SLC39A10: variants seen among roughly 807,000 people sequenced by gnomAD.
SLC39A10 encodes solute carrier family 39 member 10.
Under a neutral mutation model 65.1 loss-of-function variants are expected in SLC39A10, and 13 were observed. The ratio of observed to expected loss-of-function variants is 0.20; its 90% CI spans 0.13 to 0.32. SLC39A10 has a LOEUF of 0.32. Ranked by LOEUF, SLC39A10 falls within the 10% of genes least tolerant of loss-of-function variation. The probability of loss-of-function intolerance (pLI) is 1.00; values close to 1 mark genes in which losing one functional copy is unlikely to be tolerated. For synonymous variants in SLC39A10, 321 were observed against 342.2 expected (o/e 0.94, Z 0.68); for missense variants, 831 against 1,018.4 (o/e 0.82, Z 2.50).
upstream of SLC39A10, among the ~76,000 whole-genome samples, chr2:195,653,346 T>C (rs548378418): frequency 6.7e-6 from 1 of 149,608 alleles, no homozygotes; most frequent in Non-Finnish European, 1.5e-5. Flanking sequence ...CAGGCTGGAG[T>C]GCAATGGCAC....
At chr2:195,725,981 A>AG (rs2105841637) in intron 8 of SLC39A10, among the ~76,000 whole-genome samples, 1 of 152,314 alleles carries the variant, frequency 6.6e-6, no homozygotes, top group Non-Finnish European at 1.5e-5. Context: ...GTAATGAAAA[A>AG]GTTCTAGAGT....
chr2:195,624,467 A>G (rs966227447), intron 2 of SLC39A10, among the ~76,000 whole-genome samples: 4 of 151,892 alleles, frequency 2.6e-5, no homozygotes, highest in Non-Finnish European at 4.4e-5. Context: ...AAATAACTTA[A>G]AAAAAGAAGA....
chr2:195,657,074 T>G (rs1201273844), upstream of SLC39A10: 2 of 152,342 alleles, frequency 1.3e-5, no homozygotes, highest in Non-Finnish European at 2.9e-5. Context: ...GTGGCGCGTG[T>G]ACGCCCATAG....
intron 8 of SLC39A10, among the ~76,000 whole-genome samples, chr2:195,721,242 G>T (rs1366524383): frequency 6.6e-6 from 1 of 152,110 alleles, no homozygotes; most frequent in Non-Finnish European, 1.5e-5. Context: ...GCCCAGCTAT[G>T]AGTCACACTT....
chr2:195,718,633 A>G (rs79317295), intron 8 of SLC39A10, among the ~76,000 whole-genome samples: 13,138 of 152,264 alleles, frequency 0.086, 752 homozygotes, highest in East Asian at 0.22. Flanking sequence ...AATATTTCTT[A>G]AATGCCACAT....
intron 5 of SLC39A10, 29 bp from the exon 6 acceptor site, chr2:195,713,404 A>G (rs1459045212): frequency 6.7e-7 from 1 of 1,497,912 alleles, no homozygotes; most frequent in Non-Finnish European, 9.0e-7. Flanking sequence ...TTATACTAAT[A>G]TCAGATACTA....
At chr2:195,644,867 C>T (rs997244398) in intron 2 of SLC39A10, among the ~76,000 whole-genome samples, 2 of 149,604 alleles carry the variant, frequency 1.3e-5, no homozygotes, top group Non-Finnish European at 3.0e-5. Flanking sequence ...GCCCAGTTGC[C>T]TCACCCATGA....
chr2:195,625,221 A>AGG (rs1376426293), intron 2 of SLC39A10, among the ~76,000 whole-genome samples: 1 of 123,816 alleles, frequency 8.1e-6, no homozygotes, highest in African/African-American at 3.0e-5. Flanking sequence ...TGTCTCAAAA[A>AGG]AAAAGAAAGA....
At chr2:195,666,565 C>T (rs1270780889) in intron 1 of SLC39A10, among the ~76,000 whole-genome samples, 1 of 152,136 alleles carries the variant, frequency 6.6e-6, no homozygotes, top group African/African-American at 2.4e-5. Context: ...CTCAAGTAAT[C>T]CTCCCACCTG....
At chr2:195,637,214 C>T (rs1688713512) in intron 2 of SLC39A10, among the ~76,000 whole-genome samples, 1 of 152,170 alleles carries the variant, frequency 6.6e-6, no homozygotes, top group Non-Finnish European at 1.5e-5. Context: ...CACTGCAATG[C>T]TCCTGGGCTG....
intron 4 of SLC39A10, 47 bp downstream of exon 4, chr2:195,706,832 T>C: frequency 7.4e-7 from 1 of 1,355,726 alleles, no homozygotes; most frequent in South Asian, 1.8e-5. Context: ...TAAAAATATT[T>C]AAGCTGAAAG....
At chr2:195,703,727 T>C (rs1311366539) in intron 3 of SLC39A10, among the ~76,000 whole-genome samples, 2 of 152,116 alleles carry the variant, frequency 1.3e-5, no homozygotes, top group Non-Finnish European at 2.9e-5. Context: ...GATCTTGGCT[T>C]ACTGCAATCT....
chr2:195,664,127 G>A (rs965932825), intron 1 of SLC39A10, among the ~76,000 whole-genome samples: 1 of 144,842 alleles, frequency 6.9e-6, no homozygotes. Flanking sequence ...TAAGAAAAAA[G>A]TTCTTTAAAT....
intron 2 of SLC39A10, among the ~76,000 whole-genome samples, chr2:195,635,763 G>A (rs1357135870): frequency 1.4e-5 from 2 of 145,092 alleles, no homozygotes; most frequent in African/African-American, 5.2e-5. Context: ...ATGTAGACTT[G>A]AATGTTTTGC....
intron 7 of SLC39A10, 87 bp from the exon 8 acceptor site, chr2:195,718,165 G>A: frequency 1.9e-6 from 2 of 1,075,264 alleles, no homozygotes; most frequent in Non-Finnish European, 2.8e-6. Context: ...AATTTAGATA[G>A]GCAAAAGAAA....
At chr2:195,694,367 TTGA>T (rs1408494994) in intron 3 of SLC39A10, among the ~76,000 whole-genome samples, 5 of 152,248 alleles carry the variant, frequency 3.3e-5, no homozygotes, top group African/African-American at 7.2e-5. Context: ...ACTTTCTGTC[TTGA>T]TGATTTGTCT....
upstream of SLC39A10, among the ~76,000 whole-genome samples, chr2:195,656,326 G>C (rs1318017057): frequency 6.6e-6 from 1 of 152,160 alleles, no homozygotes; most frequent in African/African-American, 2.4e-5. Context: ...TTGCTTAAGA[G>C]GGGAGGAGAC....
chr2:195,660,736 A>G (rs1689361681), intron 1 of SLC39A10, among the ~76,000 whole-genome samples: 2 of 152,350 alleles, frequency 1.3e-5, no homozygotes, highest in South Asian at 4.1e-4. Context: ...AAATTTACGT[A>G]TGGGATTGTT....
At position 195,669,214 on chromosome 2, in the gene SLC39A10, T is replaced by C. The variant is rs559922802; in HGVS notation, c.-11-10818T>C. Reference sequence around the variant, plus strand: ...TAATCTAAATTTATTCACAATGTCTTGGTTTTTTCTATTGAGTAAGTAGTA... The same window carrying C: ...TAATCTAAATTTATTCACAATGTCTCGGTTTTTTCTATTGAGTAAGTAGTA... On this transcript the variant is annotated intron_variant, in intron 1 of 9. Transcript: ENST00000359634. Among the ~76,000 whole-genome samples, 3 of 152,344 alleles carry C rather than the reference T, an allele frequency of 2.0e-5. No individual in the cohort carries two copies. In the East Asian group the frequency reaches 5.8e-4, roughly 29 times the overall value.
Sources: allele counts gnomAD v4.1 joint callset (sites outside exome capture counted in the v4.1 genomes callset), GRCh38; gene constraint gnomAD v4.1.1; transcripts MANE v1.5; gene names NCBI Gene and HGNC (gene_info 2026-07-23, HGNC 2026-07-21).